The following SGCZ variants were observed in gnomAD, a reference collection of about 807,000 sequenced individuals.
The protein encoded by SGCZ is zeta-sarcoglycan.
A neutral mutation model predicts 41.3 loss-of-function variants in SGCZ; 40 were observed. The observed-to-expected ratio is 0.97, with a 90% CI of 0.75 to 1.26. The LOEUF (loss-of-function observed/expected upper bound fraction) is 1.26, where lower values mean the gene tolerates loss of function less well. SGCZ is among the 50% of genes most tolerant of loss of function. The pLI is 0.00. For missense variants in SGCZ, 552 were observed against 369.8 expected, an observed-to-expected ratio of 1.49 and a Z score of -4.04; for synonymous variants, 206 against 137.5, an observed-to-expected ratio of 1.50 and a Z score of -3.49.
intron 3 of SGCZ, among the ~76,000 whole-genome samples, chr8:14,314,739 T>A (rs1326488660): frequency 6.6e-6 from 1 of 152,172 alleles, no homozygotes; most frequent in Non-Finnish European, 1.5e-5. Context: ...AATTTACTTA[T>A]GTTTGTATTT....
intron 1 of SGCZ, among the ~76,000 whole-genome samples, chr8:14,560,230 A>G (rs1414103400): frequency 6.6e-6 from 1 of 152,060 alleles, no homozygotes; most frequent in Non-Finnish European, 1.5e-5. Flanking sequence ...CAACACAGAT[A>G]AAAGATAAAT....
chr8:14,506,408 T>G (rs540211894), intron 2 of SGCZ, among the ~76,000 whole-genome samples: 3 of 152,100 alleles, frequency 2.0e-5, no homozygotes, highest in African/African-American at 7.2e-5. Context: ...TTCTATATCA[T>G]CATTTCCCCT....
At chr8:14,803,607 A>T (rs1012819413) in intron 1 of SGCZ, among the ~76,000 whole-genome samples, 3 of 152,078 alleles carry the variant, frequency 2.0e-5, no homozygotes, top group African/African-American at 7.2e-5. Flanking sequence ...GATTGCTAGC[A>T]CAGCAGTCTG....
intron 1 of SGCZ, among the ~76,000 whole-genome samples, chr8:15,211,373 T>C (rs1801233470): frequency 6.6e-6 from 1 of 152,120 alleles, no homozygotes; most frequent in African/African-American, 2.4e-5. Context: ...ATGTGCTTTC[T>C]GTGTTTTTGA....
chr8:14,672,205 A>C lies in SGCZ; in HGVS notation c.40-117279T>G, dbSNP rs189382572. Reference sequence around the variant, plus strand: ...ACCACTCATCTGGCAGTTAACTATGACCACATTTTGAAAGCTATTTTATCT... The same window carrying C: ...ACCACTCATCTGGCAGTTAACTATGCCCACATTTTGAAAGCTATTTTATCT... On this transcript the variant is annotated intron_variant, in intron 1 of 7. Coordinates refer to ENST00000382080, the MANE Select transcript of SGCZ (RefSeq NM_139167.4). Among the ~76,000 whole-genome samples the C allele has an allele frequency of 2.5e-3, 384 of 152,280 alleles. 1 individual carries two copies. Among genetic ancestry groups the C allele is most frequent in the African/African-American group, 8.7e-3 (362 of 41,546 alleles).
chr8:14,096,243 C>G (rs756198337), intron 7 of SGCZ, among the ~76,000 whole-genome samples: 1 of 152,016 alleles, frequency 6.6e-6, no homozygotes, highest in Non-Finnish European at 1.5e-5. Context: ...GTGGGTTTGC[C>G]ATAAATTGCT....
chr8:14,832,228 G>C (rs570768886), intron 1 of SGCZ, among the ~76,000 whole-genome samples: 1 of 152,098 alleles, frequency 6.6e-6, no homozygotes, highest in East Asian at 1.9e-4. Context: ...TTGCTTTCTT[G>C]TGTTATTTGA....
At chr8:14,547,868 A>G (rs9657242) in intron 2 of SGCZ, among the ~76,000 whole-genome samples, 54,511 of 152,020 alleles carry the variant, frequency 0.36, 10,131 homozygotes, top group Non-Finnish European at 0.39. Context: ...CTGGATTTAC[A>G]AAATTATAAA....
At chr8:14,478,193 C>A (rs532461419) in intron 2 of SGCZ, among the ~76,000 whole-genome samples, 1 of 152,314 alleles carries the variant, frequency 6.6e-6, no homozygotes, top group African/African-American at 2.4e-5. Flanking sequence ...TGCCCCTTGG[C>A]ATATACCCAA....
At chr8:15,028,063 G>A (rs62493673) in intron 1 of SGCZ, among the ~76,000 whole-genome samples, 24,012 of 151,910 alleles carry the variant, frequency 0.16, 2,312 homozygotes, top group African/African-American at 0.26. Flanking sequence ...ACTGCCTTCC[G>A]CATTCACACA....
At chr8:15,094,168 T>C (rs1338015309) in intron 1 of SGCZ, among the ~76,000 whole-genome samples, 1 of 152,040 alleles carries the variant, frequency 6.6e-6, no homozygotes, top group African/African-American at 2.4e-5. Context: ...ACGGTCTCAC[T>C]CTGTCGCCCA....
intron 1 of SGCZ, among the ~76,000 whole-genome samples, chr8:14,804,747 C>T (rs1180325503): frequency 9.6e-6 from 1 of 103,810 alleles, no homozygotes; most frequent in African/African-American, 3.4e-5. Context: ...AGATACTCCT[C>T]GAGAAGAGCA....
chr8:14,221,397 G>A (rs943431156), intron 4 of SGCZ, among the ~76,000 whole-genome samples: 1 of 152,162 alleles, frequency 6.6e-6, no homozygotes, highest in Admixed American at 6.5e-5. Context: ...AGAGGCAATT[G>A]TTGTTTTTGC....
intron 3 of SGCZ, among the ~76,000 whole-genome samples, chr8:14,313,608 T>A (rs567730191): frequency 6.6e-6 from 1 of 152,310 alleles, no homozygotes; most frequent in African/African-American, 2.4e-5. Context: ...AGTTCTGGGA[T>A]TACAGGTGTG....
chr8:14,729,798 T>C (rs1251776184), intron 1 of SGCZ, among the ~76,000 whole-genome samples: 1 of 152,140 alleles, frequency 6.6e-6, no homozygotes, highest in Non-Finnish European at 1.5e-5. Context: ...TATAGTGCCT[T>C]TTAAGGGAAG....
Position 15,129,680 on chromosome 8 carries a change from G to A in SGCZ, c.39+107905C>T, listed in dbSNP as rs560028004. 2.3e-4 allele frequency among the ~76,000 whole-genome samples: 33 copies of A among 146,566 alleles called. 1 individual carries two copies. The South Asian group carries it at 5.0e-3, about 22-fold the overall frequency. On this transcript the variant is annotated intron_variant, in intron 1 of 7. Transcript: ENST00000382080. Reference sequence around the variant, plus strand: ...AAGTGCACTCAAGCCACAAGGTCCCGTTCGGGTAAAGTCAGAGAAGCATTT... The same window carrying A: ...AAGTGCACTCAAGCCACAAGGTCCCATTCGGGTAAAGTCAGAGAAGCATTT...
chr8:14,296,665 T>C (rs540305757), intron 3 of SGCZ, among the ~76,000 whole-genome samples: 7 of 152,064 alleles, frequency 4.6e-5, no homozygotes, highest in Non-Finnish European at 1.0e-4. Flanking sequence ...CTAGGGTACA[T>C]TAAACTTGCA....
At chr8:14,222,900 A>C (rs1365269616) in intron 4 of SGCZ, among the ~76,000 whole-genome samples, 1 of 135,602 alleles carries the variant, frequency 7.4e-6, no homozygotes, top group Non-Finnish European at 1.5e-5. Flanking sequence ...TAACCTCTAC[A>C]TGCCGGGTTC....
At chr8:14,591,471 T>G (rs1161294094) in intron 1 of SGCZ, among the ~76,000 whole-genome samples, 4 of 152,044 alleles carry the variant, frequency 2.6e-5, no homozygotes, top group African/African-American at 9.7e-5. Context: ...GTACAAAAAA[T>G]ATTTTAAAAC....
Sources: gnomAD v4.1 joint callset for allele counts (sites outside exome capture counted in the v4.1 genomes callset) on GRCh38, gnomAD v4.1.1 for gene constraint, MANE v1.5 for transcripts, NCBI Gene and HGNC (gene_info 2026-07-23, HGNC 2026-07-21) for gene names.